SVEP1: variants seen among roughly 807,000 people sequenced by gnomAD.
SVEP1 encodes the protein sushi, von Willebrand factor type A, EGF and pentraxin domain containing 1.
Under a neutral mutation model 367.3 loss-of-function variants are expected in SVEP1, and 164 were observed. The observed-to-expected ratio is 0.45, with a 90% CI of 0.39 to 0.51. The LOEUF (loss-of-function observed/expected upper bound fraction) is 0.51, where lower values mean the gene tolerates loss of function less well. Ranked by LOEUF, SVEP1 falls within the 20% of genes least tolerant of loss-of-function variation. SVEP1 has a pLI of 0.00. For missense variants in SVEP1, 4,117 were observed against 4,425.3 expected (o/e 0.93, Z 1.98); for synonymous variants, 1,666 against 1,611.6 (o/e 1.03, Z -0.81).
intron 36 of SVEP1, among the ~76,000 whole-genome samples, chr9:110,423,168 T>TAAAAAAAA: frequency 2.7e-4 from 28 of 103,644 alleles, no homozygotes; most frequent in Non-Finnish European, 4.3e-4. Context: ...AAAAATAAAG[T>TAAAAAAAA]AAAAAAAAAA....
chr9:110,488,541 A>G (rs1360322049), intron 9 of SVEP1, among the ~76,000 whole-genome samples: 1 of 152,120 alleles, frequency 6.6e-6, no homozygotes, highest in Non-Finnish European at 1.5e-5. Context: ...GGAAGGAAAA[A>G]GTTTTGGTAA....
intron 3 of SVEP1, among the ~76,000 whole-genome samples, chr9:110,516,593 C>T (rs1423275774): frequency 6.6e-6 from 1 of 151,914 alleles, no homozygotes; most frequent in African/African-American, 2.4e-5. Context: ...TGATCAGGAT[C>T]CTCAAAGAGA....
At chr9:110,381,427 A>AT (rs140002051) in intron 43 of SVEP1, among the ~76,000 whole-genome samples, 54,215 of 151,728 alleles carry the variant, frequency 0.36, 10,013 homozygotes, top group Middle Eastern at 0.57. Context: ...TTGCTTTCTG[A>AT]TTTCTTCCTT....
At chr9:110,541,292 T>C (rs1312555956) in intron 3 of SVEP1, among the ~76,000 whole-genome samples, 1 of 152,110 alleles carries the variant, frequency 6.6e-6, no homozygotes, top group Non-Finnish European at 1.5e-5. Flanking sequence ...AACTTGTCAT[T>C]GACCTGAAGC....
At chr9:110,418,731 C>A in intron 36 of SVEP1, among the ~76,000 whole-genome samples, 1 of 53,294 alleles carries the variant, frequency 1.9e-5, no homozygotes, top group African/African-American at 7.3e-5. Context: ...GTCGGGTTAC[C>A]CTCAAAGGAA....
At position 110,366,505 on chromosome 9, in the gene SVEP1, C is replaced by G; in HGVS notation, c.*34G>C. ...CAGGCACTACCGAGGAGAGATGATC[C>G]TGCTTTTGGGAGAGCCAGATGGTCG... On this transcript the variant is annotated 3_prime_UTR_variant, in exon 48 of 48. Coordinates refer to ENST00000374469, the MANE Select transcript of SVEP1 (RefSeq NM_153366.4). 6.5e-7 allele frequency: 1 copy of G among 1,541,346 alleles called. No individual in the cohort carries two copies. The highest frequency in any genetic ancestry group is 8.7e-7 in the Non-Finnish European group (1 of 1,146,538).
chr9:110,480,920 C>T (rs780802241), intron 12 of SVEP1, among the ~76,000 whole-genome samples: 8 of 152,136 alleles, frequency 5.3e-5, no homozygotes, highest in Admixed American at 2.6e-4. Context: ...CCATGCCTGG[C>T]CACTATGAGA....
In SVEP1 at chr9:110,550,040, G is replaced by A. The variant is rs1342231798; in HGVS notation, c.596C>T (p.Ser199Phe). The A allele has an allele frequency of 6.2e-7, 1 of 1,614,034 alleles. No homozygotes were observed. The highest frequency in any genetic ancestry group is 8.5e-7 in the Non-Finnish European group (1 of 1,179,898). Residue 199 changes from serine (S) to phenylalanine (F), a missense_variant, in exon 2 of 48, where the codon TCC becomes TTC. Physicochemically the swap from Ser to Phe is radical, Grantham distance 155. Coordinates refer to ENST00000374469, the MANE Select transcript of SVEP1 (RefSeq NM_153366.4). Reference sequence around the variant, plus strand: ...AATTGGTCTAGGGTCTCCCCCATTGGAATATCCATCAGTGATGAGAAATAC... The same window carrying A: ...AATTGGTCTAGGGTCTCCCCCATTGAAATATCCATCAGTGATGAGAAATAC... Reference protein sequence around the residue: ...KVVFLITDGYSNGGDPRPIAA... With the variant: ...KVVFLITDGYFNGGDPRPIAA...
At chr9:110,452,097 A>G (rs953300816) in intron 22 of SVEP1, among the ~76,000 whole-genome samples, 13 of 152,228 alleles carry the variant, frequency 8.5e-5, no homozygotes, top group Admixed American at 7.8e-4. Context: ...TGTAACACAT[A>G]TCTAATAATT....
At chr9:110,437,323 A>T (rs1828444396) in intron 27 of SVEP1, among the ~76,000 whole-genome samples, 1 of 152,212 alleles carries the variant, frequency 6.6e-6, no homozygotes, top group African/African-American at 2.4e-5. Flanking sequence ...TTCTGGCAAC[A>T]ATGCCTAACC....
intron 18 of SVEP1, among the ~76,000 whole-genome samples, chr9:110,463,583 AG>A (rs1359355481): frequency 6.6e-6 from 1 of 151,592 alleles, no homozygotes; most frequent in Non-Finnish European, 1.5e-5. Flanking sequence ...ATAAAGAAAA[AG>A]GAAGGAAAGA....
At chr9:110,466,830 C>T (rs555224723) in intron 17 of SVEP1, among the ~76,000 whole-genome samples, 13 of 150,758 alleles carry the variant, frequency 8.6e-5, no homozygotes, top group Non-Finnish European at 1.3e-4. Context: ...CCTACCTAGA[C>T]ACGCCATTTC....
chr9:110,437,408 C>G (rs1828446951), intron 27 of SVEP1, among the ~76,000 whole-genome samples: 1 of 152,136 alleles, frequency 6.6e-6, no homozygotes, highest in South Asian at 2.1e-4. Flanking sequence ...ATATTTTGGT[C>G]TTCTTAACCA....
At chr9:110,499,321 C>T (rs1829496547) in intron 6 of SVEP1, 83 bp from the exon 7 acceptor site, 3 of 1,263,148 alleles carry the variant, frequency 2.4e-6, no homozygotes, top group Admixed American at 4.6e-5. Flanking sequence ...AAGAAAAATA[C>T]AATTATGCTG....
chr9:110,392,906 C>T (rs1485563866), intron 40 of SVEP1, among the ~76,000 whole-genome samples: 1 of 152,066 alleles, frequency 6.6e-6, no homozygotes, highest in African/African-American at 2.4e-5. Context: ...GTTAGGTTCC[C>T]TGCTATTTTG....
At chr9:110,390,371 C>CTTATATAAGTATATATA (rs1564127641) in intron 40 of SVEP1, among the ~76,000 whole-genome samples, 3 of 16,324 alleles carry the variant, frequency 1.8e-4, no homozygotes, top group Non-Finnish European at 2.4e-4. Context: ...ATACTTATAT[C>CTTATATAAGTATATATA]TACTTATATA....
intron 9 of SVEP1, among the ~76,000 whole-genome samples, chr9:110,489,396 C>T (rs190458052): frequency 3.7e-4 from 57 of 152,182 alleles, no homozygotes; most frequent in Admixed American, 9.2e-4. Context: ...CTCACAATCA[C>T]GGCAGAAAGC....
intron 35 of SVEP1, 45 bp from the exon 36 acceptor site, chr9:110,427,803 C>A: frequency 1.9e-6 from 3 of 1,565,372 alleles, no homozygotes; most frequent in South Asian, 1.2e-5. Flanking sequence ...TATGGATTTG[C>A]TGCTATGGAG....
chr9:110,396,768 A>G (rs1292564026), intron 40 of SVEP1, among the ~76,000 whole-genome samples: 1 of 152,152 alleles, frequency 6.6e-6, no homozygotes, highest in African/African-American at 2.4e-5. Context: ...TCCTCGACAC[A>G]TACATCCTCC....
Sources: allele counts gnomAD v4.1 joint callset (sites outside exome capture counted in the v4.1 genomes callset), GRCh38; gene constraint gnomAD v4.1.1; transcripts MANE v1.5; gene names NCBI Gene and HGNC (gene_info 2026-07-23, HGNC 2026-07-21).